The following LGR6 variants were observed in gnomAD, a reference collection of about 807,000 sequenced individuals.
LGR6 encodes leucine rich repeat containing G protein-coupled receptor 6, also known as leucine-rich repeat-containing G protein-coupled receptor 6.
In LGR6, 45 loss-of-function variants were observed where a neutral mutation model predicts 69.4. The observed-to-expected ratio is 0.65, with a 90% CI of 0.51 to 0.83. The LOEUF (loss-of-function observed/expected upper bound fraction) is 0.83, where lower values mean the gene tolerates loss of function less well. LGR6 is among the 40% of genes least tolerant of loss of function. The pLI is 0.00. For synonymous variants in LGR6, 538 were observed against 555.0 expected, an observed-to-expected ratio of 0.97 and a Z score of 0.43; for missense variants, 1,108 against 1,246.7, an observed-to-expected ratio of 0.89 and a Z score of 1.68.
Position 202,215,029 on chromosome 1 carries a change from G to GCA in LGR6, c.213-10393_213-10392insAC, listed in dbSNP as rs1409405237. On this transcript the variant is annotated intron_variant, in intron 1 of 17. Coordinates refer to ENST00000367278, the MANE Select transcript of LGR6 (RefSeq NM_001017403.2). ...TGTGTGTGTGTGTGTGTGCGCGCGC[G>GCA]CGCGTTGGTGAGTTGAGTTGCTGGG... Among the ~76,000 whole-genome samples, 191 of 151,544 alleles carry GCA rather than the reference G, an allele frequency of 1.3e-3. 3 individuals are homozygous for GCA. Among genetic ancestry groups the GCA allele is most frequent in the Non-Finnish European group, 1.9e-4 (13 of 67,882 alleles).
chr1:202,237,363 C>T (rs1294598803), intron 4 of LGR6, among the ~76,000 whole-genome samples: 1 of 152,236 alleles, frequency 6.6e-6, no homozygotes, highest in Non-Finnish European at 1.5e-5. Flanking sequence ...AAACATTTGC[C>T]TAGGGCACCA....
At chr1:202,305,226 G>A (rs112666731) in intron 11 of LGR6, among the ~76,000 whole-genome samples, 185 of 152,288 alleles carry the variant, frequency 1.2e-3, no homozygotes, top group African/African-American at 4.4e-3. Context: ...TGTCCCCTCT[G>A]TGGGCCTCAG....
chr1:202,272,290 C>T (rs1456501457), intron 4 of LGR6, among the ~76,000 whole-genome samples: 1 of 152,172 alleles, frequency 6.6e-6, no homozygotes, highest in Non-Finnish European at 1.5e-5. Context: ...GGTCCATGCC[C>T]CACCCCCAAG....
At chr1:202,317,097 G>A (rs961972362) in intron 17 of LGR6, among the ~76,000 whole-genome samples, 4 of 152,186 alleles carry the variant, frequency 2.6e-5, no homozygotes, top group African/African-American at 9.7e-5. Context: ...CTCCCACAGT[G>A]GAGGACTTAG....
chr1:202,275,952 G>A (rs778054078), intron 4 of LGR6, among the ~76,000 whole-genome samples: 1 of 152,210 alleles, frequency 6.6e-6, no homozygotes, highest in South Asian at 2.1e-4. Flanking sequence ...CTGAGAGGAA[G>A]AGGTGGGGTC....
intron 1 of LGR6, among the ~76,000 whole-genome samples, chr1:202,216,587 A>T (rs1335198016): frequency 6.6e-6 from 1 of 152,226 alleles, no homozygotes; most frequent in Non-Finnish European, 1.5e-5. Context: ...GCTAGTGGCC[A>T]CTGCGCTGGA....
At chr1:202,246,059 C>T (rs1662647359) in intron 4 of LGR6, among the ~76,000 whole-genome samples, 1 of 130,906 alleles carries the variant, frequency 7.6e-6, no homozygotes, top group Non-Finnish European at 1.6e-5. Context: ...TCATCCATCC[C>T]TCCCTCCCTT....
chr1:202,197,537 G>A, intron 1 of LGR6: 2 of 509,540 alleles, frequency 3.9e-6, no homozygotes, highest in Non-Finnish European at 4.0e-6. Context: ...GGGAGATGGA[G>A]CCCCTGGCTC....
At chr1:202,300,657 GA>G (rs111707317) in intron 7 of LGR6, among the ~76,000 whole-genome samples, 191 bp from the exon 8 acceptor site, 2,532 of 105,008 alleles carry the variant, frequency 0.024, 25 homozygotes, top group Non-Finnish European at 0.028. Context: ...CCCTGTCTCA[GA>G]AAAAAAAAAA....
chr1:202,282,382 A>G (rs1666078560), intron 6 of LGR6, among the ~76,000 whole-genome samples: 1 of 152,166 alleles, frequency 6.6e-6, no homozygotes, highest in Admixed American at 6.5e-5. Flanking sequence ...ATGAGAAAAC[A>G]TACATGAAAG....
chr1:202,212,140 G>C (rs1257614465), intron 1 of LGR6, among the ~76,000 whole-genome samples: 2 of 152,212 alleles, frequency 1.3e-5, no homozygotes, highest in African/African-American at 4.8e-5. Context: ...TCGTACGGTT[G>C]TCTAGTGAGC....
intron 4 of LGR6, among the ~76,000 whole-genome samples, chr1:202,271,851 A>C: frequency 6.6e-6 from 1 of 151,138 alleles, no homozygotes; most frequent in African/African-American, 2.4e-5. Context: ...GAGAGGAGAA[A>C]GTTTAATAGA....
Position 202,194,154 on chromosome 1 carries a change from C to CGGGCT in LGR6, c.167_171dup (p.Ser58GlyfsTer12). 1 of 1,575,056 alleles carries CGGGCT rather than the reference C, an allele frequency of 6.3e-7. No homozygotes were observed. The highest frequency in any genetic ancestry group is 8.6e-7 in the Non-Finnish European group (1 of 1,169,576). On this transcript the variant is annotated frameshift_variant, in exon 1 of 18. Coordinates refer to ENST00000367278, the MANE Select transcript of LGR6 (RefSeq NM_001017403.2). LOFTEE classifies it high-confidence loss of function. ...TGCTGTCTGCCGACTGCTCTGAGCT[C>CGGGCT]GGGCTGTCCGCCGTTCCGGGGGACC...
chr1:202,260,426 C>T lies in LGR6; in HGVS notation c.429-15880C>T, dbSNP rs531224701. 6.7e-5 allele frequency among the ~76,000 whole-genome samples: 10 copies of T among 148,422 alleles called. No individual in the cohort carries two copies. In the South Asian group the frequency reaches 1.1e-3, roughly 16 times the overall value. ...TTGGCTCCCTGCAGCCTCTGCCTCC[C>T]GGGCTCAAGTGATTTTCCTGCCTCA... On this transcript the variant is annotated intron_variant, in intron 4 of 17. Transcript: ENST00000367278.
chr1:202,303,547 T>C (rs557290004), intron 10 of LGR6, among the ~76,000 whole-genome samples, 200 bp downstream of exon 10: 2 of 152,302 alleles, frequency 1.3e-5, no homozygotes, highest in African/African-American at 4.8e-5. Flanking sequence ...GGGATGGCAG[T>C]GAGGAGGCTG....
At chr1:202,309,026 T>C in intron 14 of LGR6, 25 bp from the exon 15 acceptor site, 2 of 1,612,994 alleles carry the variant, frequency 1.2e-6, no homozygotes, top group Non-Finnish European at 1.7e-6. Flanking sequence ...TGACTGCCAA[T>C]AACCCTGACC....
chr1:202,303,137 G>A, intron 9 of LGR6, 142 bp from the exon 10 acceptor site: 1 of 695,508 alleles, frequency 1.4e-6, no homozygotes, highest in African/African-American at 1.7e-5. Context: ...GGCCTGCGTG[G>A]CTGACTTGAG....
At position 202,319,242 on chromosome 1, in the gene LGR6, C is replaced by T. The variant is rs1196127567; in HGVS notation, c.*35C>T. 1.3e-6 allele frequency: 2 copies of T among 1,523,922 alleles called. No individual in the cohort carries two copies. Among genetic ancestry groups the T allele is most frequent in the Non-Finnish European group, 1.8e-6 (2 of 1,136,870 alleles). 94.4% of individuals were successfully genotyped at this position (1,523,922 alleles called of 1,614,324 possible). A position where few individuals can be genotyped will look rare whatever the true frequency, so the allele number is the denominator to read the frequency against. On this transcript the variant is annotated 3_prime_UTR_variant, in exon 18 of 18. Coordinates refer to ENST00000367278, the MANE Select transcript of LGR6 (RefSeq NM_001017403.2). ...CCCATTCTTCTCTTCCCCTCTCTTC[C>T]CTTTCCTCTCTCCCCCTCGGTGAAT... is the stretch of plus-strand genomic sequence containing the variant.
chr1:202,303,491 C>T (rs567924687), intron 10 of LGR6, 144 bp downstream of exon 10: 24 of 668,890 alleles, frequency 3.6e-5, no homozygotes, highest in Non-Finnish European at 5.6e-5. Flanking sequence ...CATCCCCTTC[C>T]TCCTGATGTG....
Sources: allele counts gnomAD v4.1 joint callset (sites outside exome capture counted in the v4.1 genomes callset), GRCh38; gene constraint gnomAD v4.1.1; transcripts MANE v1.5; gene names NCBI Gene and HGNC (gene_info 2026-07-23, HGNC 2026-07-21).